ANKS1B: variants seen among roughly 807,000 people sequenced by gnomAD.
ANKS1B encodes ankyrin repeat and sterile alpha motif domain-containing protein 1B.
Under a neutral mutation model 148.3 loss-of-function variants are expected in ANKS1B, and 36 were observed. The observed-to-expected ratio is 0.24, with a 90% CI of 0.19 to 0.32. The LOEUF (loss-of-function observed/expected upper bound fraction) is 0.32. Among genes scored for constraint, ANKS1B ranks in the 10% least tolerant of loss-of-function variants. ANKS1B has a pLI of 1.00. For missense variants in ANKS1B, 1,157 were observed against 1,542.6 expected (o/e 0.75, Z 4.19); for synonymous variants, 542 against 560.8 (o/e 0.97, Z 0.47).
chr12:99,269,891 C>G (rs1013366404), intron 12 of ANKS1B, among the ~76,000 whole-genome samples: 2 of 152,124 alleles, frequency 1.3e-5, no homozygotes, highest in Admixed American at 1.3e-4. Context: ...GCATATTTTA[C>G]ATGAGTGATA....
downstream of ANKS1B, among the ~76,000 whole-genome samples, chr12:98,743,372 T>TAAG (rs2097819698): frequency 6.6e-6 from 1 of 152,232 alleles, no homozygotes; most frequent in Non-Finnish European, 1.5e-5. Context: ...TACAATTTAA[T>TAAG]AAGAAACAAT....
chr12:99,539,565 A>G (rs1055318620), intron 9 of ANKS1B, among the ~76,000 whole-genome samples: 1 of 152,212 alleles, frequency 6.6e-6, no homozygotes, highest in Non-Finnish European at 1.5e-5. Context: ...GGAAGGCAGT[A>G]ATGGAGGTAT....
chr12:99,269,208 G>A (rs889585585), intron 12 of ANKS1B, among the ~76,000 whole-genome samples: 1 of 152,172 alleles, frequency 6.6e-6, no homozygotes, highest in Non-Finnish European at 1.5e-5. Flanking sequence ...AAGGCAGTTA[G>A]TTTTGACTAT....
chr12:99,876,945 A>G (rs1210492788), intron 1 of ANKS1B, among the ~76,000 whole-genome samples: 1 of 152,126 alleles, frequency 6.6e-6, no homozygotes, highest in African/African-American at 2.4e-5. Flanking sequence ...CACTACCATC[A>G]AGGTTCTCTC....
intron 14 of ANKS1B, among the ~76,000 whole-genome samples, chr12:99,227,882 CAT>C: frequency 6.6e-6 from 1 of 152,096 alleles, no homozygotes; most frequent in African/African-American, 2.4e-5. Flanking sequence ...CTTACAGACA[CAT>C]ATCACTTACA....
chr12:99,169,447 G>T (rs935177156), intron 14 of ANKS1B, among the ~76,000 whole-genome samples: 4 of 152,122 alleles, frequency 2.6e-5, no homozygotes, highest in African/African-American at 9.7e-5. Flanking sequence ...TTAAAAAAAA[G>T]ATGAAGAAAC....
chr12:99,701,886 C>A (rs1467510647), intron 8 of ANKS1B, among the ~76,000 whole-genome samples: 1 of 152,102 alleles, frequency 6.6e-6, no homozygotes, highest in Non-Finnish European at 1.5e-5. Context: ...CTTTTTATGT[C>A]TGCATAGAAC....
At chr12:99,200,401 G>A (rs773122875) in intron 14 of ANKS1B, among the ~76,000 whole-genome samples, 4 of 152,170 alleles carry the variant, frequency 2.6e-5, no homozygotes, top group Non-Finnish European at 5.9e-5. Flanking sequence ...AGATAGAATG[G>A]CTAGATGGTT....
chr12:99,760,194 C>A (rs1333030930), intron 8 of ANKS1B, among the ~76,000 whole-genome samples: 3 of 151,622 alleles, frequency 2.0e-5, no homozygotes, highest in Admixed American at 1.3e-4. Context: ...GAATCATTAA[C>A]AATTAGAAAA....
chr12:99,741,349 G>C (rs994970241), intron 8 of ANKS1B, among the ~76,000 whole-genome samples: 29 of 151,980 alleles, frequency 1.9e-4, no homozygotes, highest in Non-Finnish European at 1.0e-4. Flanking sequence ...ATTCCTCAAG[G>C]ATCTAGAACT....
intron 17 of ANKS1B, among the ~76,000 whole-genome samples, chr12:99,044,731 G>C (rs1317948663): frequency 1.3e-5 from 2 of 152,040 alleles, no homozygotes; most frequent in East Asian, 3.9e-4. Context: ...AACATAGAGA[G>C]GCAAAAGACA....
At chr12:99,465,823 G>A (rs899704350) in intron 10 of ANKS1B, among the ~76,000 whole-genome samples, 13 of 152,120 alleles carry the variant, frequency 8.5e-5, no homozygotes, top group Non-Finnish European at 5.9e-5. Flanking sequence ...AAGAGACTTA[G>A]ACTCCCACAC....
At chr12:99,918,135 T>C (rs1293298490) in intron 1 of ANKS1B, among the ~76,000 whole-genome samples, 1 of 152,188 alleles carries the variant, frequency 6.6e-6, no homozygotes, top group Non-Finnish European at 1.5e-5. Flanking sequence ...CAGTCTCTGG[T>C]GCCAAAAAGG....
At chr12:99,244,550 C>T (rs191251588) in intron 13 of ANKS1B, 136 bp from the exon 14 acceptor site, 82 of 485,218 alleles carry the variant, frequency 1.7e-4, no homozygotes, top group Admixed American at 1.3e-3. Context: ...AGATGCATAG[C>T]GAAATATTTA....
At position 99,181,147 on chromosome 12, in the gene ANKS1B, G is replaced by C. The variant is rs573157333; in HGVS notation, c.2420-26752C>G. On this transcript the variant is annotated intron_variant, in intron 14 of 26. Coordinates refer to ENST00000683438, the MANE Select transcript of ANKS1B (RefSeq NM_001352186.2). ...AAGCCTTGTGTGTCACATAAACTTTGGTTAAATAAATTCGTTATGCTTTTC... is the reference window on the plus strand; with the variant it reads ...AAGCCTTGTGTGTCACATAAACTTTCGTTAAATAAATTCGTTATGCTTTTC... Among the ~76,000 whole-genome samples, 281 of 152,164 alleles carry C rather than the reference G, an allele frequency of 1.8e-3. 1 individual carries two copies. The highest frequency in any genetic ancestry group is 3.3e-3 in the Non-Finnish European group (227 of 68,000).
chr12:99,289,734 A>G (rs1460629819), intron 12 of ANKS1B, among the ~76,000 whole-genome samples: 10 of 152,160 alleles, frequency 6.6e-5, no homozygotes, highest in African/African-American at 2.4e-4. Context: ...GAAAATGGAA[A>G]CACAACATAT....
chr12:99,149,636 A>G (rs2074294636), intron 15 of ANKS1B, among the ~76,000 whole-genome samples: 1 of 152,182 alleles, frequency 6.6e-6, no homozygotes, highest in Admixed American at 6.6e-5. Flanking sequence ...GTTTATAAAT[A>G]TAACTGTCAG....
chr12:99,264,228 A>C (rs984266596), intron 12 of ANKS1B, among the ~76,000 whole-genome samples: 3 of 152,104 alleles, frequency 2.0e-5, no homozygotes, highest in African/African-American at 7.2e-5. Context: ...AAACAATGAG[A>C]GTTTTCTTTT....
chr12:99,447,049 T>C (rs1156319160), intron 10 of ANKS1B, among the ~76,000 whole-genome samples: 1 of 151,936 alleles, frequency 6.6e-6, no homozygotes, highest in Non-Finnish European at 1.5e-5. Flanking sequence ...ACTGAGCACA[T>C]TACACTACCT....
Sources: allele counts gnomAD v4.1 joint callset (sites outside exome capture counted in the v4.1 genomes callset), GRCh38; gene constraint gnomAD v4.1.1; transcripts MANE v1.5; gene names NCBI Gene and HGNC (gene_info 2026-07-23, HGNC 2026-07-21).